Variants in RRAGB observed in about 807,000 individuals in gnomAD.
RRAGB encodes the protein ras-related GTP-binding protein B.
Under a neutral mutation model 29.3 loss-of-function variants are expected in RRAGB, and 6 were observed. The ratio of observed to expected loss-of-function variants is 0.21; its 90% CI spans 0.11 to 0.40. RRAGB has a LOEUF of 0.40. RRAGB is among the 10% of genes least tolerant of loss of function. The probability of loss-of-function intolerance (pLI) is 1.00; values close to 1 mark genes in which losing one functional copy is unlikely to be tolerated. For missense variants in RRAGB, 184 were observed against 272.9 expected, an observed-to-expected ratio of 0.67 and a Z score of 2.29; for synonymous variants, 101 against 92.5, an observed-to-expected ratio of 1.09 and a Z score of -0.53.
chrX:55,753,943 G>C (rs903839696), intron 7 of RRAGB, among the ~76,000 whole-genome samples: 7 of 112,037 alleles, frequency 6.2e-5, no homozygotes, highest in Non-Finnish European at 1.3e-4. Context: ...TACTTGGGAG[G>C]CTGAGGCAGG....
intron 5 of RRAGB, among the ~76,000 whole-genome samples, chrX:55,749,059 G>A (rs1164297861): frequency 9.9e-6 from 1 of 101,295 alleles, no homozygotes; most frequent in Non-Finnish European, 2.0e-5. Context: ...GGAGGGAGGT[G>A]GGGGTGTCAG....
intron 3 of RRAGB, 92 bp downstream of exon 3, chrX:55,722,377 G>A: frequency 1.8e-6 from 1 of 550,930 alleles, no homozygotes; most frequent in Non-Finnish European, 2.9e-6. Flanking sequence ...GGGATGCAGA[G>A]AGGTTGGGGA....
chrX:55,731,652 A>G (rs2033684069), intron 5 of RRAGB, 66 bp downstream of exon 5: 1 of 727,497 alleles, frequency 1.4e-6, no homozygotes, highest in Non-Finnish European at 2.0e-6. Context: ...TTGTAGAGGT[A>G]TAGGTAAATT....
chrX:55,741,014 A>G lies in RRAGB; in HGVS notation c.516+9428A>G, dbSNP rs765515790. ...GTTGCATAGGATAAGAGAAGACAAC[A>G]CTTCAAAATGATTTTTTTTTTTTTT... is the stretch of plus-strand genomic sequence containing the variant. On this transcript the variant is annotated intron_variant, in intron 5 of 9. Transcript: ENST00000374941. Among the ~76,000 whole-genome samples, 411 of 98,521 alleles carry G rather than the reference A, an allele frequency of 4.2e-3. 1 individual carries two copies. The highest frequency in any genetic ancestry group is 0.013 in the African/African-American group (385 of 29,272). 85.6% of individuals were successfully genotyped at this position (98,521 alleles called of 115,157 possible).
Position 55,758,305 on chromosome X carries a change from A to G in RRAGB, c.1003A>G (p.Arg335Gly). The G allele has an allele frequency of 8.3e-7, 1 of 1,206,739 alleles. No individual in the cohort carries two copies. Among genetic ancestry groups the G allele is most frequent in the Non-Finnish European group, 1.1e-6 (1 of 891,664 alleles). The change falls in exon 10 of 10, where the codon AGA becomes GGA. Residue 335 changes from arginine (R) to glycine (G), a missense_variant. Physicochemically the swap from Arg to Gly is moderately radical, Grantham distance 125. Coordinates refer to ENST00000374941, the MANE Select transcript of RRAGB (RefSeq NM_006064.5). Reference protein sequence around the residue: ...NARKHFEKLERVDGPKQCLLM... With the variant: ...NARKHFEKLEGVDGPKQCLLM... ...CAGGAAACACTTTGAAAAGCTGGAA[A>G]GAGTGGATGGACCAAAGCAGTGTCT...
chrX:55,736,018 T>A (rs1776780872), intron 5 of RRAGB, among the ~76,000 whole-genome samples: 1 of 112,474 alleles, frequency 8.9e-6, no homozygotes, highest in South Asian at 3.6e-4. Context: ...TATCCAATGC[T>A]TTTGTCTCAC....
At chrX:55,742,238 T>G (rs1160446539) in intron 5 of RRAGB, among the ~76,000 whole-genome samples, 1 of 112,642 alleles carries the variant, frequency 8.9e-6, no homozygotes, top group Non-Finnish European at 1.9e-5. Flanking sequence ...GCAATTCTCA[T>G]TTGTATAACT....
intron 5 of RRAGB, among the ~76,000 whole-genome samples, chrX:55,733,955 T>G (rs2033775562): frequency 9.1e-6 from 1 of 109,852 alleles, no homozygotes; most frequent in Admixed American, 9.7e-5. Flanking sequence ...TTGGGAAATT[T>G]TGAGTTTTTG....
intron 5 of RRAGB, among the ~76,000 whole-genome samples, chrX:55,749,362 T>TG (rs1202486386): frequency 8.4e-5 from 5 of 59,237 alleles, no homozygotes; most frequent in African/African-American, 2.7e-4. Flanking sequence ...GGGAGGGAGG[T>TG]GGGGGGGTCA....
At chrX:55,726,825 G>C (rs1424784853) in intron 3 of RRAGB, among the ~76,000 whole-genome samples, 1 of 111,381 alleles carries the variant, frequency 9.0e-6, no homozygotes, top group Non-Finnish European at 1.9e-5. Context: ...CATTCAAATG[G>C]AGATTTGTAA....
intron 2 of RRAGB, among the ~76,000 whole-genome samples, chrX:55,720,685 AC>A (rs1368462243): frequency 1.1e-3 from 25 of 22,705 alleles, no homozygotes; most frequent in Non-Finnish European, 3.9e-3. Flanking sequence ...TACTAAATAT[AC>A]CAAAAAAAAA....
At chrX:55,728,484 G>A (rs1233417905) in intron 3 of RRAGB, among the ~76,000 whole-genome samples, 1 of 111,919 alleles carries the variant, frequency 8.9e-6, no homozygotes, top group Non-Finnish European at 1.9e-5. Context: ...TGGAGTGAAA[G>A]GCTTTATTAA....
At chrX:55,733,042 C>T (rs1334843791) in intron 5 of RRAGB, among the ~76,000 whole-genome samples, 7 of 110,678 alleles carry the variant, frequency 6.3e-5, no homozygotes, top group Non-Finnish European at 1.3e-4. Context: ...ACTATGGTCA[C>T]GTCTGGGCTT....
intron 3 of RRAGB, chrX:55,727,437 G>C (rs2033518949): frequency 1.7e-6 from 1 of 588,548 alleles, no homozygotes; most frequent in Admixed American, 2.4e-5. Context: ...AAGGGGAGAA[G>C]GGAAGTAGTT....
At chrX:55,748,677 C>T (rs1179911108) in intron 5 of RRAGB, among the ~76,000 whole-genome samples, 3 of 110,871 alleles carry the variant, frequency 2.7e-5, no homozygotes, top group Non-Finnish European at 3.8e-5. Flanking sequence ...CCCAGCCAGC[C>T]ACCCCGTCTG....
At chrX:55,751,080 A>G in intron 5 of RRAGB, 21 bp from the exon 6 acceptor site, 2 of 964,815 alleles carry the variant, frequency 2.1e-6, no homozygotes, top group Non-Finnish European at 3.0e-6. Flanking sequence ...GCTGATCAGT[A>G]TGTTGGGCTT....
At chrX:55,752,338 T>C in intron 6 of RRAGB, 1 of 754,084 alleles carries the variant, frequency 1.3e-6, no homozygotes, top group Middle Eastern at 7.6e-4. Context: ...GACAATTGGC[T>C]AATCACAACA....
intron 2 of RRAGB, among the ~76,000 whole-genome samples, chrX:55,721,340 A>T (rs779507199): frequency 1.6e-4 from 18 of 112,293 alleles, no homozygotes; most frequent in Non-Finnish European, 3.0e-4. Flanking sequence ...GAGGTAAGAC[A>T]CTTAAGTCAG....
chrX:55,748,962 G>A (rs1408638336), intron 5 of RRAGB, among the ~76,000 whole-genome samples: 1 of 88,575 alleles, frequency 1.1e-5, no homozygotes, highest in Non-Finnish European at 2.3e-5. Context: ...AGGGAGGTGG[G>A]GGAGTCAGCC....
Sources: allele counts gnomAD v4.1 joint callset (sites outside exome capture counted in the v4.1 genomes callset), GRCh38; gene constraint gnomAD v4.1.1; transcripts MANE v1.5; gene names NCBI Gene and HGNC (gene_info 2026-07-23, HGNC 2026-07-21).